CAMK2D: variants seen among roughly 807,000 people sequenced by gnomAD.
The protein encoded by CAMK2D is calcium/calmodulin dependent protein kinase II delta.
A neutral mutation model predicts 84.0 loss-of-function variants in CAMK2D; 37 were observed. The observed-to-expected ratio is 0.44, with a 90% CI of 0.34 to 0.58. CAMK2D has a LOEUF of 0.58. Ranked by LOEUF, CAMK2D falls within the 20% of genes least tolerant of loss-of-function variation. The pLI, the probability that CAMK2D is intolerant of heterozygous loss-of-function variation, is 0.02. For synonymous variants in CAMK2D, 202 were observed against 212.5 expected (o/e 0.95, Z 0.43); for missense variants, 448 against 652.5 (o/e 0.69, Z 3.41).
At chr4:113,693,077 G>A (rs2099392972) in intron 2 of CAMK2D, among the ~76,000 whole-genome samples, 1 of 152,148 alleles carries the variant, frequency 6.6e-6, no homozygotes, top group Non-Finnish European at 1.5e-5. Flanking sequence ...GTCTACAGCA[G>A]GTACTAGAAA....
intron 2 of CAMK2D, among the ~76,000 whole-genome samples, chr4:113,671,723 C>T (rs147739837): frequency 2.3e-4 from 35 of 152,324 alleles, no homozygotes; most frequent in Admixed American, 7.2e-4. Flanking sequence ...TTTGGAAATA[C>T]ACCCACCTCC....
At chr4:113,674,141 T>G (rs2099307912) in intron 2 of CAMK2D, among the ~76,000 whole-genome samples, 1 of 152,144 alleles carries the variant, frequency 6.6e-6, no homozygotes, top group Admixed American at 6.5e-5. Context: ...TCTAGGTAGA[T>G]TATACTAAAG....
In CAMK2D at chr4:113,673,734, T is replaced by C. The variant is rs1034921591; in HGVS notation, c.161-11962A>G. Among the ~76,000 whole-genome samples, 5 of 152,310 alleles carry C rather than the reference T, an allele frequency of 3.3e-5. No homozygotes were observed. In the East Asian group the frequency reaches 9.6e-4, roughly 29 times the overall value. On this transcript the variant is annotated intron_variant, in intron 2 of 20. Coordinates refer to ENST00000511664, the MANE Select transcript of CAMK2D (RefSeq NM_001321571.2). ...GAAGTCAGGTGACAAAGAGTGTCAGTACCATACACCCCCTGGTGCAAGGAG... is the reference window on the plus strand; with the variant it reads ...GAAGTCAGGTGACAAAGAGTGTCAGCACCATACACCCCCTGGTGCAAGGAG...
chr4:113,585,927 A>T (rs1460131733), intron 4 of CAMK2D, among the ~76,000 whole-genome samples: 4 of 152,202 alleles, frequency 2.6e-5, no homozygotes, highest in Non-Finnish European at 4.4e-5. Context: ...ATTCACCTAG[A>T]CTACCCACTT....
intron 3 of CAMK2D, among the ~76,000 whole-genome samples, chr4:113,640,613 C>A (rs1164529385): frequency 6.6e-6 from 1 of 152,110 alleles, no homozygotes; most frequent in Non-Finnish European, 1.5e-5. Flanking sequence ...CAAGTAAGAC[C>A]AGAACAAGAA....
At position 113,455,839 on chromosome 4, in the gene CAMK2D, A is replaced by C. The variant is rs758327554; in HGVS notation, c.1536-18T>G. On this transcript the variant is annotated intron_variant, in intron 19 of 20. Transcript: ENST00000511664. ...AGGGTGGCCTATTAAGAGAAGCCCC[A>C]TTTAAGCCACCTGGCATAAAATGAA... 6.9e-7 allele frequency: 1 copy of C among 1,452,096 alleles called. No homozygotes were observed. The highest frequency in any genetic ancestry group is 2.3e-5 in the East Asian group (1 of 44,000). The allele number at this position is 1,452,096 out of a possible 1,614,324, so 90.0% of individuals were successfully genotyped here.
At chr4:113,556,282 T>C (rs1054952880) in intron 4 of CAMK2D, among the ~76,000 whole-genome samples, 8 of 152,170 alleles carry the variant, frequency 5.3e-5, no homozygotes, top group Admixed American at 2.6e-4. Flanking sequence ...AAGGACTAGC[T>C]TTTTCTTGTC....
intron 3 of CAMK2D, among the ~76,000 whole-genome samples, chr4:113,644,963 C>A (rs1470646625): frequency 6.6e-6 from 1 of 152,122 alleles, no homozygotes; most frequent in African/African-American, 2.4e-5. Context: ...CAGCTCACCA[C>A]CTATTTTTGA....
chr4:113,598,197 G>A lies in CAMK2D; in HGVS notation c.275+10955C>T, dbSNP rs956890633. 2.6e-5 allele frequency among the ~76,000 whole-genome samples: 4 copies of A among 151,942 alleles called. No homozygotes were observed. In the East Asian group the frequency reaches 5.8e-4, roughly 22 times the overall value. On this transcript the variant is annotated intron_variant, in intron 4 of 20. Transcript: ENST00000511664. ...CAAAAGAACAAACAAAGAGATCAAC[G>A]GTACAGAACAGATCTTTGAGTATAG...
chr4:113,568,860 T>C (rs1561035674), intron 4 of CAMK2D, among the ~76,000 whole-genome samples: 1 of 152,216 alleles, frequency 6.6e-6, no homozygotes, highest in Non-Finnish European at 1.5e-5. Flanking sequence ...GTTGAGTGTC[T>C]TTCTATGGGC....
At chr4:113,571,853 C>A (rs927456653) in intron 4 of CAMK2D, among the ~76,000 whole-genome samples, 22 of 152,136 alleles carry the variant, frequency 1.4e-4, no homozygotes, top group African/African-American at 5.1e-4. Flanking sequence ...ATGTGAGACA[C>A]GAGTTTCATA....
At chr4:113,714,354 G>A (rs1389727368) in intron 2 of CAMK2D, among the ~76,000 whole-genome samples, 1 of 151,986 alleles carries the variant, frequency 6.6e-6, no homozygotes, top group African/African-American at 2.4e-5. Context: ...CAATTCCGCT[G>A]CTTCTCACTC....
chr4:113,687,813 C>T (rs1379420635), intron 2 of CAMK2D, among the ~76,000 whole-genome samples: 1 of 152,150 alleles, frequency 6.6e-6, no homozygotes, highest in East Asian at 1.9e-4. Flanking sequence ...AATATTAAAT[C>T]ATCAGGCACC....
At chr4:113,726,758 T>C (rs1036969836) in intron 2 of CAMK2D, among the ~76,000 whole-genome samples, 20 of 152,064 alleles carry the variant, frequency 1.3e-4, no homozygotes, top group Admixed American at 5.9e-4. Flanking sequence ...TGATCACATA[T>C]CAGCTTATTA....
At chr4:113,704,533 A>T (rs925468880) in intron 2 of CAMK2D, among the ~76,000 whole-genome samples, 4 of 151,896 alleles carry the variant, frequency 2.6e-5, no homozygotes, top group South Asian at 2.1e-4. Context: ...ATAAATGCAC[A>T]TTTAAATCCC....
intron 2 of CAMK2D, among the ~76,000 whole-genome samples, chr4:113,730,321 T>C (rs1285019855): frequency 6.6e-6 from 1 of 152,200 alleles, no homozygotes; most frequent in Non-Finnish European, 1.5e-5. Context: ...TGTGTTTCAA[T>C]AGTAGTTTCT....
chr4:113,496,750 C>T (rs368416569), intron 16 of CAMK2D, among the ~76,000 whole-genome samples: 1 of 152,130 alleles, frequency 6.6e-6, no homozygotes, highest in East Asian at 1.9e-4. Flanking sequence ...CTCCCAGACT[C>T]CCATTTGCTT....
At chr4:113,646,255 C>A (rs1561571503) in intron 3 of CAMK2D, among the ~76,000 whole-genome samples, 1 of 152,144 alleles carries the variant, frequency 6.6e-6, no homozygotes, top group Non-Finnish European at 1.5e-5. Flanking sequence ...AATATATGTA[C>A]CCACACGTTG....
chr4:113,732,523 A>G (rs1235311698), intron 2 of CAMK2D, among the ~76,000 whole-genome samples: 2 of 152,200 alleles, frequency 1.3e-5, no homozygotes, highest in Admixed American at 6.5e-5. Flanking sequence ...TAAAACTTTT[A>G]AACAAATTTG....
Sources: allele counts gnomAD v4.1 joint callset (sites outside exome capture counted in the v4.1 genomes callset), GRCh38; gene constraint gnomAD v4.1.1; transcripts MANE v1.5; gene names NCBI Gene and HGNC (gene_info 2026-07-23, HGNC 2026-07-21).